The following GTF2A1L variants were observed in gnomAD, a reference collection of about 807,000 sequenced individuals.
GTF2A1L encodes the protein TFIIA-alpha and beta-like factor.
GTF2A1L carries 48 observed loss-of-function variants against 49.7 expected under a neutral mutation model. That is an observed-to-expected ratio of 0.97 (90% CI 0.77 to 1.23). GTF2A1L has a LOEUF of 1.23. Ranked by LOEUF, GTF2A1L falls within the 50% of genes most tolerant of loss-of-function variation. GTF2A1L has a pLI of 0.00. For missense variants in GTF2A1L, 736 were observed against 564.8 expected, an observed-to-expected ratio of 1.30 and a Z score of -3.07; for synonymous variants, 246 against 193.5, an observed-to-expected ratio of 1.27 and a Z score of -2.25.
At chr2:48,631,648 G>C (rs1029934022) in intron 3 of GTF2A1L, among the ~76,000 whole-genome samples, 1 of 151,846 alleles carries the variant, frequency 6.6e-6, no homozygotes, top group East Asian at 1.9e-4. Context: ...ATGGATTTTT[G>C]GGTCTCAATT....
chr2:48,673,736 A>G lies in GTF2A1L; in HGVS notation c.1329+2056A>G, dbSNP rs536328310. Among the ~76,000 whole-genome samples the G allele has an allele frequency of 1.2e-4, 19 of 152,278 alleles. 2 individuals are homozygous for G. Among genetic ancestry groups the G allele is most frequent in the African/African-American group, 4.6e-4 (19 of 41,542 alleles). On this transcript the variant is annotated intron_variant, in intron 8 of 8. Coordinates refer to ENST00000403751, the MANE Select transcript of GTF2A1L (RefSeq NM_006872.5). ...AGTCATACCGAAGTATGATAGGAGG[A>G]AAAAAGGATATGATCTAATGACAAT...
intron 2 of GTF2A1L, 37 bp downstream of exon 2, chr2:48,620,989 G>T (rs746894470): frequency 1.9e-6 from 3 of 1,586,640 alleles, no homozygotes; most frequent in Non-Finnish European, 1.7e-6. Context: ...CCTGTCTTTT[G>T]TTGTTTTTTT....
intron 6 of GTF2A1L, among the ~76,000 whole-genome samples, chr2:48,661,823 A>G (rs956685420): frequency 6.6e-6 from 1 of 152,112 alleles, no homozygotes; most frequent in African/African-American, 2.4e-5. Flanking sequence ...TAGAGAGCAT[A>G]TAGTTGGATC....
At chr2:48,629,791 T>G (rs1676476182) in intron 3 of GTF2A1L, among the ~76,000 whole-genome samples, 1 of 144,554 alleles carries the variant, frequency 6.9e-6, no homozygotes, top group Non-Finnish European at 1.6e-5. Context: ...GAGTTAATTT[T>G]TGTATGTGGT....
At position 48,679,595 on chromosome 2, in the gene GTF2A1L, G is replaced by T; in HGVS notation, c.*153G>T. 7.1e-7 allele frequency: 1 copy of T among 1,400,556 alleles called. No homozygotes were observed. The highest frequency in any genetic ancestry group is 1.6e-5 in the South Asian group (1 of 61,192). The allele number at this position is 1,400,556 out of a possible 1,614,324, so 86.8% of individuals were successfully genotyped here. A position where few individuals can be genotyped will look rare whatever the true frequency, so the allele number is the denominator to read the frequency against. On this transcript the variant is annotated 3_prime_UTR_variant, in exon 9 of 9. Transcript: ENST00000403751. ...TTAATAAAATTATAATTCAGATGCAGATACAATTACACAATTTTATATGTA... is the reference window on the plus strand; with the variant it reads ...TTAATAAAATTATAATTCAGATGCATATACAATTACACAATTTTATATGTA...
chr2:48,644,368 G>C (rs1183265251), intron 4 of GTF2A1L, among the ~76,000 whole-genome samples: 1 of 152,094 alleles, frequency 6.6e-6, no homozygotes, highest in African/African-American at 2.4e-5. Context: ...TAGTAATATA[G>C]ATGGACTGCT....
Position 48,671,632 on chromosome 2 carries a change from G to A in GTF2A1L, c.1281G>A (p.Val427=), listed in dbSNP as rs1266232760. Residue 427 remains valine (V), a synonymous_variant, in exon 8 of 9, where the codon GTG becomes GTA. Coordinates refer to ENST00000403751, the MANE Select transcript of GTF2A1L (RefSeq NM_006872.5). ...GAGATGATGTTAGTGAACAGGATGT[G>A]CCAGACCTGTTTGACACGGATAATG... ...NSGDDVSEQD[V]PDLFDTDNVI... 6.2e-7 allele frequency: 1 copy of A among 1,613,636 alleles called. No homozygotes were observed. Among genetic ancestry groups the A allele is most frequent in the Non-Finnish European group, 8.5e-7 (1 of 1,179,672 alleles).
intron 6 of GTF2A1L, among the ~76,000 whole-genome samples, chr2:48,661,891 G>A (rs2104273782): frequency 6.6e-6 from 1 of 152,052 alleles, no homozygotes; most frequent in East Asian, 1.9e-4. Context: ...TAATTCATTT[G>A]CGTTTAGAGT....
At position 48,668,920 on chromosome 2, in the gene GTF2A1L, T is replaced by G. The variant is rs1225343171; in HGVS notation, c.979-802T>G. On this transcript the variant is annotated intron_variant, in intron 6 of 8. Coordinates refer to ENST00000403751, the MANE Select transcript of GTF2A1L (RefSeq NM_006872.5). ...ATACTTAGCAGAGGGGTTTATTTGT[T>G]AGCTGTGCTGGATGAAGGTAATGAT... Among the ~76,000 whole-genome samples the G allele has an allele frequency of 2.0e-5, 3 of 152,244 alleles. No individual in the cohort carries two copies. The East Asian group carries it at 5.8e-4, about 29-fold the overall frequency.
Position 48,646,881 on chromosome 2 carries a change from A to C in GTF2A1L, c.817A>C (p.Asn273His), listed in dbSNP as rs1468667455. ...CAGTGGTTCAGCTAGCATGGCTCAA[A>C]ATCTGCATGATGAGTCCCTCTCCAC... ...VLSGSASMAQ[N>H]LHDESLSTSP... Residue 273 changes from asparagine (N) to histidine (H), a missense_variant, in exon 6 of 9, where the codon AAT becomes CAT. By Grantham distance (68) the Asn-to-His change is moderately conservative. Coordinates refer to ENST00000403751, the MANE Select transcript of GTF2A1L (RefSeq NM_006872.5). 1.9e-6 allele frequency: 3 copies of C among 1,614,094 alleles called. No individual in the cohort carries two copies. Among genetic ancestry groups the C allele is most frequent in the Non-Finnish European group, 2.5e-6 (3 of 1,180,034 alleles).
intron 6 of GTF2A1L, among the ~76,000 whole-genome samples, chr2:48,657,936 A>G (rs1441604204): frequency 6.6e-6 from 1 of 152,008 alleles, no homozygotes; most frequent in African/African-American, 2.4e-5. Context: ...TCATTTGCCT[A>G]CTTTTTAACG....
At position 48,671,670 on chromosome 2, in the gene GTF2A1L, A is replaced by T. The variant is rs150006280; in HGVS notation, c.1319A>T (p.Gln440Leu). Residue 440 changes from glutamine (Q) to leucine (L), a missense_variant, in exon 8 of 9, where the codon CAG becomes CTG. Physicochemically the swap from Gln to Leu is moderately radical, Grantham distance 113. Coordinates refer to ENST00000403751, the MANE Select transcript of GTF2A1L (RefSeq NM_006872.5). The stretch of plus-strand genomic sequence containing the variant: ...GACACGGATAATGTTATTGTCTGTC[A>T]GTATGATAAGGTACTGTATTTACCT... ...LFDTDNVIVC[Q>L]YDKIHRSKNK... The T allele has an allele frequency of 6.2e-7, 1 of 1,613,270 alleles. No homozygotes were observed. The highest frequency in any genetic ancestry group is 8.5e-7 in the Non-Finnish European group (1 of 1,179,542).
At chr2:48,620,781 A>ATAAG in intron 1 of GTF2A1L, 70 bp from the exon 2 acceptor site, 1 of 407,976 alleles carries the variant, frequency 2.5e-6, no homozygotes, top group Non-Finnish European at 3.3e-6. Context: ...CATCTCAAGA[A>ATAAG]TAAATAAATA....
chr2:48,664,129 T>TCTTGG (rs1414882596), intron 6 of GTF2A1L, among the ~76,000 whole-genome samples: 3 of 152,134 alleles, frequency 2.0e-5, no homozygotes, highest in Non-Finnish European at 4.4e-5. Flanking sequence ...TGTTTTTTTT[T>TCTTGG]CTTGGCTTAT....
chr2:48,637,474 A>G (rs1401445068), intron 3 of GTF2A1L, among the ~76,000 whole-genome samples: 1 of 152,210 alleles, frequency 6.6e-6, no homozygotes, highest in Non-Finnish European at 1.5e-5. Flanking sequence ...CAGCTAAGGC[A>G]GTGTTAAGAG....
intron 3 of GTF2A1L, chr2:48,632,411 T>G (rs548766586): frequency 6.6e-6 from 1 of 151,204 alleles, no homozygotes; most frequent in African/African-American, 2.4e-5. Flanking sequence ...TTTGACAGAG[T>G]CTTACTCTGT....
intron 5 of GTF2A1L, among the ~76,000 whole-genome samples, chr2:48,645,907 C>T (rs963550276): frequency 1.3e-5 from 2 of 150,990 alleles, no homozygotes; most frequent in Admixed American, 6.6e-5. Context: ...CTTGGCCTCC[C>T]AAAGTGCTGG....
intron 8 of GTF2A1L, among the ~76,000 whole-genome samples, chr2:48,678,210 C>T (rs879348313): frequency 3.3e-5 from 5 of 151,758 alleles, no homozygotes; most frequent in African/African-American, 4.8e-5. Flanking sequence ...GATAAAGGTA[C>T]CACAATTAGT....
intron 6 of GTF2A1L, among the ~76,000 whole-genome samples, chr2:48,652,466 A>T (rs1314962265): frequency 6.6e-6 from 1 of 151,420 alleles, no homozygotes; most frequent in African/African-American, 2.4e-5. Context: ...AAATACAAAA[A>T]TTAGCGGAGT....
Sources: gnomAD v4.1 joint callset for allele counts (sites outside exome capture counted in the v4.1 genomes callset) on GRCh38, gnomAD v4.1.1 for gene constraint, MANE v1.5 for transcripts, NCBI Gene and HGNC (gene_info 2026-07-23, HGNC 2026-07-21) for gene names.